The following FLNB variants were observed in gnomAD, a reference collection of about 807,000 sequenced individuals.
FLNB encodes the protein filamin B.
A neutral mutation model predicts 250.6 loss-of-function variants in FLNB; 111 were observed. The ratio of observed to expected loss-of-function variants is 0.44; its 90% CI spans 0.38 to 0.52. The LOEUF (loss-of-function observed/expected upper bound fraction) is 0.52. Ranked by LOEUF, FLNB falls within the 20% of genes least tolerant of loss-of-function variation. The pLI, the probability that FLNB is intolerant of heterozygous loss-of-function variation, is 0.00. For synonymous variants in FLNB, 1,302 were observed against 1,372.1 expected, an observed-to-expected ratio of 0.95 and a Z score of 1.13; for missense variants, 2,869 against 3,447.8, an observed-to-expected ratio of 0.83 and a Z score of 4.20.
intron 8 of FLNB, among the ~76,000 whole-genome samples, chr3:58,100,220 C>T (rs865801887): frequency 9.2e-5 from 14 of 151,934 alleles, no homozygotes; most frequent in Admixed American, 3.3e-4. Flanking sequence ...CCTAATTCTA[C>T]TATTGTTTTC....
At chr3:58,097,738 A>C in intron 6 of FLNB, 77 bp from the exon 7 acceptor site, 1 of 1,385,552 alleles carries the variant, frequency 7.2e-7, no homozygotes, top group Admixed American at 1.8e-5. Context: ...GGTGATCATC[A>C]ATGTATGTGG....
chr3:58,079,705 C>T (rs1319604643), intron 3 of FLNB, among the ~76,000 whole-genome samples: 1 of 152,188 alleles, frequency 6.6e-6, no homozygotes, highest in Non-Finnish European at 1.5e-5. Context: ...AGTCACATTG[C>T]TTAGTTGAAG....
At chr3:58,091,902 C>G (rs968026377) in intron 4 of FLNB, among the ~76,000 whole-genome samples, 2 of 152,140 alleles carry the variant, frequency 1.3e-5, no homozygotes, top group Non-Finnish European at 2.9e-5. Flanking sequence ...TTTACTTTTA[C>G]AAACAATTTA....
Position 58,108,521 on chromosome 3 carries a change from A to G in FLNB, c.2005A>G (p.Thr669Ala), listed in dbSNP as rs147481678. Residue 669 changes from threonine to alanine, a missense_variant, in exon 13 of 46, where the codon ACT becomes GCT. Thr to Ala is a moderately conservative substitution (Grantham distance 58). Around this residue, in one of 5 missense-constraint regions of FLNB, gnomAD observed 1,348 missense variants for 1,466.7 expected, o/e 0.92. Transcript: ENST00000295956. ...CATTGTCAACAACCTGGCCGAGTTC[A>G]CTGTGGATCCTAAGGATGCTGGAAA... ...GCIVNNLAEF[T>A]VDPKDAGKAP... 2.2e-4 allele frequency: 351 copies of G among 1,614,012 alleles called. 1 individual carries two copies. The highest frequency in any genetic ancestry group is 2.8e-4 in the Non-Finnish European group (328 of 1,180,004).
chr3:58,108,805 T>G (rs2097263845), intron 13 of FLNB, among the ~76,000 whole-genome samples: 1 of 152,218 alleles, frequency 6.6e-6, no homozygotes. Flanking sequence ...GCTTGTTTGT[T>G]TCAGGTTATT....
intron 45 of FLNB, 125 bp from the exon 46 acceptor site, chr3:58,170,450 C>T: frequency 1.2e-6 from 1 of 867,664 alleles, no homozygotes; most frequent in Non-Finnish European, 1.9e-6. Flanking sequence ...AATTGCCACG[C>T]TCTCCCACCT....
intron 26 of FLNB, among the ~76,000 whole-genome samples, chr3:58,133,325 G>T (rs2097310743): frequency 6.6e-6 from 1 of 151,832 alleles, no homozygotes; most frequent in African/African-American, 2.4e-5. Flanking sequence ...AACCACGTGT[G>T]GTGGGATTCG....
At chr3:58,055,887 T>C (rs1357897298) in intron 1 of FLNB, among the ~76,000 whole-genome samples, 2 of 152,178 alleles carry the variant, frequency 1.3e-5, no homozygotes, top group East Asian at 3.9e-4. Flanking sequence ...AATAACAAGA[T>C]CTAACAGTGA....
At chr3:58,066,406 G>C (rs1221952810) in intron 1 of FLNB, among the ~76,000 whole-genome samples, 1 of 151,890 alleles carries the variant, frequency 6.6e-6, no homozygotes, top group Non-Finnish European at 1.5e-5. Context: ...TTTTAGTAGA[G>C]ACGGGTTTCA....
At chr3:58,111,493 A>G (rs951623892) in intron 16 of FLNB, among the ~76,000 whole-genome samples, 4 of 151,614 alleles carry the variant, frequency 2.6e-5, no homozygotes, top group African/African-American at 9.7e-5. Flanking sequence ...TTTTGGTTTT[A>G]TTCTTGTTGG....
intron 6 of FLNB, among the ~76,000 whole-genome samples, chr3:58,096,593 C>T (rs989739788): frequency 6.6e-6 from 1 of 152,116 alleles, no homozygotes; most frequent in African/African-American, 2.4e-5. Flanking sequence ...ACTGCAACCC[C>T]CGCCTCCTGG....
At chr3:58,122,275 T>C (rs1480766527) in intron 20 of FLNB, among the ~76,000 whole-genome samples, 2 of 151,688 alleles carry the variant, frequency 1.3e-5, no homozygotes, top group Non-Finnish European at 2.9e-5. Flanking sequence ...GATGGATAAC[T>C]TGAGGTCAGG....
In FLNB at chr3:58,008,507, GC is replaced by G; in HGVS notation, c.-56del. On this transcript the variant is annotated 5_prime_UTR_variant, in exon 1 of 46. Transcript: ENST00000295956. ...CGGTTCTCGCTCCTTCGGCCCTTGG[GC>G]CTCCAAACACCAGTCCCCGGCAGCT... 1 of 1,542,164 alleles carries G rather than the reference GC, an allele frequency of 6.5e-7. No homozygotes were observed. The highest frequency in any genetic ancestry group is 8.8e-7 in the Non-Finnish European group (1 of 1,139,718).
intron 2 of FLNB, chr3:58,078,114 C>A: frequency 4.2e-6 from 1 of 236,766 alleles, no homozygotes; most frequent in Non-Finnish European, 6.9e-6. Context: ...AGGCCTCATT[C>A]TTACTTGAGA....
intron 1 of FLNB, among the ~76,000 whole-genome samples, chr3:58,038,747 A>G (rs2097141727): frequency 6.6e-6 from 1 of 152,034 alleles, no homozygotes; most frequent in African/African-American, 2.4e-5. Flanking sequence ...AGTTCTGCCC[A>G]TGCACCTCCT....
rs753576403 is a variant in FLNB, at chr3:58,138,401, G to A, written c.4981G>A (p.Glu1661Lys). 2.4e-5 allele frequency: 39 copies of A among 1,614,116 alleles called. No individual in the cohort carries two copies. The highest frequency in any genetic ancestry group is 1.6e-4 in the Middle Eastern group (1 of 6,084). ...TVLTPDGTEA[E>K]ADVIENEDGT... Reference sequence around the variant, plus strand: ...TCTGACCCCAGATGGCACTGAGGCCGAGGCCGATGTCATTGAGAATGAAGA... The same window carrying A: ...TCTGACCCCAGATGGCACTGAGGCCAAGGCCGATGTCATTGAGAATGAAGA... The change falls in exon 29 of 46, where the codon GAG (glutamate) becomes AAG (lysine). Residue 1661 changes from glutamate to lysine, a missense_variant. Transcript: ENST00000295956.
At chr3:58,046,650 A>G (rs1225717998) in intron 1 of FLNB, among the ~76,000 whole-genome samples, 3 of 152,120 alleles carry the variant, frequency 2.0e-5, no homozygotes, top group Non-Finnish European at 4.4e-5. Context: ...GGGTTTCACC[A>G]TTTTGGTCAG....
At chr3:58,148,484 G>T (rs1015958743) in intron 35 of FLNB, 120 bp downstream of exon 35, 2 of 1,311,310 alleles carry the variant, frequency 1.5e-6, no homozygotes, top group Non-Finnish European at 2.2e-6. Flanking sequence ...AACCTGCTGG[G>T]TCACACGCAC....
Position 58,142,731 on chromosome 3 carries a change from G to C in FLNB, c.5263G>C (p.Val1755Leu). The C allele has an allele frequency of 6.2e-7, 1 of 1,614,182 alleles. No individual in the cohort carries two copies. The highest frequency in any genetic ancestry group is 1.1e-5 in the South Asian group (1 of 91,084). The change falls in exon 31 of 46, where the codon GTC (valine) becomes CTC (leucine). Residue 1755 changes from valine to leucine, a missense_variant. Val to Leu is a conservative substitution (Grantham distance 32). This residue lies in a region of FLNB where 1,084 missense variants were observed against 1,315.5 expected (regional missense o/e 0.82). Coordinates refer to ENST00000295956, the MANE Select transcript of FLNB (RefSeq NM_001457.4). The surrounding 1 kb of genome is among the most constrained non-coding windows in gnomAD (Gnocchi z 4.3). ...TTTTGACCTGGTCATTCCGTTTGCT[G>C]TCAGGAAAGGAGAAATCACTGGTAA... Reference protein sequence around the residue: ...KPFDLVIPFAVRKGEITGEVH... With the variant: ...KPFDLVIPFALRKGEITGEVH...
Sources: allele counts gnomAD v4.1 joint callset (sites outside exome capture counted in the v4.1 genomes callset), GRCh38; gene constraint gnomAD v4.1.1; regional missense constraint gnomAD v4.1.1; non-coding constraint Gnocchi (gnomAD v3.1); transcripts MANE v1.5; gene names NCBI Gene and HGNC (gene_info 2026-07-23, HGNC 2026-07-21).